The following JCAD variants were observed in gnomAD, a reference collection of about 807,000 sequenced individuals.
JCAD encodes junctional cadherin 5-associated protein.
JCAD carries 40 observed loss-of-function variants against 98.0 expected under a neutral mutation model. The observed-to-expected ratio is 0.41, with a 90% CI of 0.32 to 0.53. The LOEUF is 0.53. Among genes scored for constraint, JCAD ranks in the 20% least tolerant of loss-of-function variants. JCAD has a pLI of 0.31. For synonymous variants in JCAD, 691 were observed against 682.3 expected, an observed-to-expected ratio of 1.01 and a Z score of -0.20; for missense variants, 1,705 against 1,738.1, an observed-to-expected ratio of 0.98 and a Z score of 0.34.
At chr10:30,074,107 A>C (rs1373213974) in intron 1 of JCAD, among the ~76,000 whole-genome samples, 1 of 152,134 alleles carries the variant, frequency 6.6e-6, no homozygotes, top group Non-Finnish European at 1.5e-5. Context: ...AATCTTGGCA[A>C]AAATGCTATG....
In JCAD at chr10:30,027,397, A is replaced by G. The variant is rs1266795105; in HGVS notation, c.2751T>C (p.Ser917=). ...GRGESKSESW[S]EELQPGHPRA... is the part of the protein sequence containing the mutation. The stretch of plus-strand genomic sequence containing the variant: ...GTGGGTGGCCAGGCTGCAGCTCCTC[A>G]CTCCAGCTCTCAGACTTACTCTCAC... The change falls in exon 3 of 4, where the codon AGT becomes AGC. Residue 917 remains serine (S), a synonymous_variant. Transcript: ENST00000375377. 1.9e-6 allele frequency: 3 copies of G among 1,606,090 alleles called. No individual in the cohort carries two copies. In the South Asian group the frequency reaches 3.3e-5, roughly 18 times the overall value.
intron 1 of JCAD, among the ~76,000 whole-genome samples, chr10:30,078,043 G>A (rs1838009619): frequency 6.6e-6 from 1 of 152,164 alleles, no homozygotes; most frequent in Non-Finnish European, 1.5e-5. Context: ...TGAAGGGAGG[G>A]TTCCAATTTC....
chr10:30,026,741 T>G lies in JCAD; in HGVS notation c.3407A>C (p.Asp1136Ala). ...EELLSRPAPA[D>A]VPRVSTDAFY... ...GGCATCAGTGGACACCCTGGGGACA[T>G]CTGCCGGTGCTGGGCGAGATAGCAA... Residue 1136 changes from aspartate to alanine, a missense_variant, in exon 3 of 4, where the codon GAT becomes GCT. Transcript: ENST00000375377. 1.9e-6 allele frequency: 3 copies of G among 1,614,150 alleles called. No individual in the cohort carries two copies. The highest frequency in any genetic ancestry group is 1.3e-5 in the African/African-American group (1 of 75,046).
intron 1 of JCAD, among the ~76,000 whole-genome samples, chr10:30,093,453 G>A (rs1316609558): frequency 6.6e-6 from 1 of 152,244 alleles, no homozygotes; most frequent in Non-Finnish European, 1.5e-5. Context: ...TAAGCTGCCT[G>A]TGGAGAGGTA....
chr10:30,074,154 C>A (rs1837941424), intron 1 of JCAD, among the ~76,000 whole-genome samples: 1 of 152,084 alleles, frequency 6.6e-6, no homozygotes, highest in South Asian at 2.1e-4. Flanking sequence ...TCGGAGTATT[C>A]TTTGAGGCAT....
chr10:30,030,398 G>A (rs999861822), intron 2 of JCAD, among the ~76,000 whole-genome samples: 2 of 152,084 alleles, frequency 1.3e-5, no homozygotes, highest in Non-Finnish European at 2.9e-5. Flanking sequence ...CTGTGATTGC[G>A]CCACTGCACT....
In JCAD at chr10:30,029,883, C is replaced by A; in HGVS notation, c.282-17G>T. On this transcript the variant is annotated splice_polypyrimidine_tract_variant and intron_variant, in intron 2 of 3. Transcript: ENST00000375377. Reference sequence around the variant, plus strand: ...TTACAAAACCTACAAAACAAAGAGTCACAGACGTTAGGCACAGAAGAAACA... The same window carrying A: ...TTACAAAACCTACAAAACAAAGAGTAACAGACGTTAGGCACAGAAGAAACA... 1 of 1,605,858 alleles carries A rather than the reference C, an allele frequency of 6.2e-7. No individual in the cohort carries two copies. The highest frequency in any genetic ancestry group is 1.1e-5 in the South Asian group (1 of 90,524).
intron 2 of JCAD, chr10:30,044,833 A>T: frequency 2.0e-6 from 2 of 982,984 alleles, no homozygotes; most frequent in Non-Finnish European, 2.4e-6. Flanking sequence ...CCTAAAAAAA[A>T]AAAAAAGTCT....
chr10:30,051,280 G>A (rs59077295), intron 1 of JCAD, among the ~76,000 whole-genome samples: 144 of 78,964 alleles, frequency 1.8e-3, no homozygotes, highest in Non-Finnish European at 3.3e-3. Context: ...ACGCACACAC[G>A]CACGCACACA....
Position 30,013,424 on chromosome 10 carries a change from C to T in JCAD, c.*4459G>A, listed in dbSNP as rs1836466834. The T allele has an allele frequency of 6.6e-6, 1 of 152,042 alleles. No homozygotes were observed. The highest frequency in any genetic ancestry group is 6.5e-5 in the Admixed American group (1 of 15,274). The allele number at this position is 152,042 out of a possible 1,614,324, so 9.4% of individuals were successfully genotyped here. ...TCTGACAGGCCTGACTGTGAGGGCT[C>T]GAATTTCAGCTGACCTAGGTGGAGA... On this transcript the variant is annotated 3_prime_UTR_variant, in exon 4 of 4. Coordinates refer to ENST00000375377, the MANE Select transcript of JCAD (RefSeq NM_020848.4).
chr10:30,047,673 T>C lies in JCAD; in HGVS notation c.140A>G (p.His47Arg). ...TGCGAGGGCCGCAGGGCCATCCTCA[T>C]GCCCGTTCTGCAGGCCCTGGCCTGC... Reference protein sequence around the residue: ...TRAGQGLQNGHEDGPAALAHR... With the variant: ...TRAGQGLQNGREDGPAALAHR... The change falls in exon 2 of 4, where the codon CAT becomes CGT. Residue 47 changes from histidine to arginine, a missense_variant. By Grantham distance (29) the His-to-Arg change is conservative (BLOSUM62 0). Transcript: ENST00000375377. 2 of 1,614,218 alleles carry C rather than the reference T, an allele frequency of 1.2e-6. No individual in the cohort carries two copies. The highest frequency in any genetic ancestry group is 1.7e-6 in the Non-Finnish European group (2 of 1,180,030).
In JCAD at chr10:30,029,238, A is replaced by G. The variant is rs772212956; in HGVS notation, c.910T>C (p.Ser304Pro). 22 of 1,613,950 alleles carry G rather than the reference A, an allele frequency of 1.4e-5. No individual in the cohort carries two copies. Among genetic ancestry groups the G allele is most frequent in the Non-Finnish European group, 1.8e-5 (21 of 1,180,010 alleles). The change falls in exon 3 of 4, where the codon TCT becomes CCT. Residue 304 changes from serine to proline, a missense_variant. Physicochemically the swap from Ser to Pro is moderately conservative, Grantham distance 74. Coordinates refer to ENST00000375377, the MANE Select transcript of JCAD (RefSeq NM_020848.4). ...KPPSYSSHQQSRGGADSSDSQ... is the reference protein window; with the variant it reads ...KPPSYSSHQQPRGGADSSDSQ... ...TCACTGCTGTCCGCTCCTCCCCTAG[A>G]CTGCTGGTGCGAGCTGTAAGATGGG...
chr10:30,048,971 A>G (rs193098363), intron 1 of JCAD, among the ~76,000 whole-genome samples: 1 of 152,312 alleles, frequency 6.6e-6, no homozygotes, highest in Admixed American at 6.5e-5. Context: ...CTGCTATAGT[A>G]CCTGAATCAA....
At chr10:30,072,014 T>C (rs1356127517) in intron 1 of JCAD, among the ~76,000 whole-genome samples, 1 of 152,188 alleles carries the variant, frequency 6.6e-6, no homozygotes, top group East Asian at 1.9e-4. Context: ...GAAATCTTGA[T>C]GGAACACTTT....
At chr10:30,035,871 G>A (rs1248086125) in intron 2 of JCAD, among the ~76,000 whole-genome samples, 2 of 152,140 alleles carry the variant, frequency 1.3e-5, no homozygotes, top group Non-Finnish European at 2.9e-5. Context: ...GGGTGAACGG[G>A]ACGGAGATGA....
intron 1 of JCAD, among the ~76,000 whole-genome samples, chr10:30,075,972 G>T (rs1837973827): frequency 6.6e-6 from 1 of 151,964 alleles, no homozygotes; most frequent in Admixed American, 6.6e-5. Context: ...TTAGCCTGAT[G>T]CTTCCTGAGG....
At chr10:30,019,446 CCATTTTA>C (rs1056609818) in intron 3 of JCAD, among the ~76,000 whole-genome samples, 5 of 151,016 alleles carry the variant, frequency 3.3e-5, no homozygotes, top group African/African-American at 9.7e-5. Flanking sequence ...GCAAATCCTG[CCATTTTA>C]CAACAACATG....
chr10:30,114,830 GAT>G (rs1838764427), intron 1 of JCAD, among the ~76,000 whole-genome samples: 1 of 51,392 alleles, frequency 1.9e-5, no homozygotes, highest in Non-Finnish European at 5.7e-5. Flanking sequence ...AAGCCGAATA[GAT>G]AGATAGATAG....
At chr10:30,101,937 T>A (rs1838477610) in intron 1 of JCAD, among the ~76,000 whole-genome samples, 1 of 152,144 alleles carries the variant, frequency 6.6e-6, no homozygotes, top group Admixed American at 6.5e-5. Flanking sequence ...TTCAACCTTC[T>A]GACCTCAGGG....
Sources: gnomAD v4.1 joint callset for allele counts (sites outside exome capture counted in the v4.1 genomes callset) on GRCh38, gnomAD v4.1.1 for gene constraint, MANE v1.5 for transcripts, NCBI Gene and HGNC (gene_info 2026-07-23, HGNC 2026-07-21) for gene names.